ADCY2: variants seen among roughly 807,000 people sequenced by gnomAD.
ADCY2 encodes adenylate cyclase 2.
Under a neutral mutation model 125.2 loss-of-function variants are expected in ADCY2, and 31 were observed. The ratio of observed to expected loss-of-function variants is 0.25; its 90% confidence interval spans 0.19 to 0.33. The LOEUF (loss-of-function observed/expected upper bound fraction) is 0.33. ADCY2 is among the 10% of genes least tolerant of loss of function. The pLI, the probability that ADCY2 is intolerant of heterozygous loss-of-function variation, is 1.00. For synonymous variants in ADCY2, 512 were observed against 548.4 expected (o/e 0.93, Z 0.93); for missense variants, 904 against 1,418.2 (o/e 0.64, Z 5.82).
At chr5:7,403,480 G>T (rs1253783151) in intron 1 of ADCY2, among the ~76,000 whole-genome samples, 1 of 152,114 alleles carries the variant, frequency 6.6e-6, no homozygotes, top group Non-Finnish European at 1.5e-5. Context: ...TTACTCATTT[G>T]ATTAATTCAA....
chr5:7,407,770 G>C (rs985069679), intron 1 of ADCY2, among the ~76,000 whole-genome samples: 1 of 151,986 alleles, frequency 6.6e-6, no homozygotes, highest in Non-Finnish European at 1.5e-5. Flanking sequence ...CTGGGACCCC[G>C]TGAGTGTCCA....
intron 4 of ADCY2, among the ~76,000 whole-genome samples, chr5:7,647,833 C>G (rs995717912): frequency 6.6e-6 from 1 of 152,144 alleles, no homozygotes; most frequent in African/African-American, 2.4e-5. Context: ...CTGTCCTTGA[C>G]TTTCATGTTT....
chr5:7,437,062 G>A (rs184006313), intron 2 of ADCY2, among the ~76,000 whole-genome samples: 2 of 152,254 alleles, frequency 1.3e-5, no homozygotes, highest in African/African-American at 4.8e-5. Flanking sequence ...ACCAGCTGTG[G>A]GGCCCGTGCT....
At chr5:7,739,795 TGA>T (rs1386301886) in intron 14 of ADCY2, among the ~76,000 whole-genome samples, 1 of 151,916 alleles carries the variant, frequency 6.6e-6, no homozygotes, top group African/African-American at 2.4e-5. Flanking sequence ...ATAAATTACT[TGA>T]GGCCAAACAG....
chr5:7,735,511 T>C (rs1319501650), intron 14 of ADCY2, among the ~76,000 whole-genome samples: 1 of 152,162 alleles, frequency 6.6e-6, no homozygotes, highest in Admixed American at 6.5e-5. Context: ...TTATTAATAG[T>C]TTGTTGAGTT....
intron 16 of ADCY2, among the ~76,000 whole-genome samples, chr5:7,760,579 A>C (rs1579402471): frequency 6.6e-6 from 1 of 152,326 alleles, no homozygotes. Context: ...GAGTTAGGGG[A>C]CAATACATTT....
chr5:7,512,544 G>T (rs1449812613), intron 2 of ADCY2, among the ~76,000 whole-genome samples: 4 of 152,096 alleles, frequency 2.6e-5, no homozygotes, highest in Admixed American at 2.6e-4. Context: ...TGAGATGGGA[G>T]AGAGTACAAG....
intron 3 of ADCY2, among the ~76,000 whole-genome samples, chr5:7,600,523 T>C (rs1215528713): frequency 6.6e-6 from 1 of 151,960 alleles, no homozygotes; most frequent in Non-Finnish European, 1.5e-5. Flanking sequence ...TCTGAGATGG[T>C]CTCAGAGGGA....
At chr5:7,745,423 AC>A (rs1742566742) in intron 15 of ADCY2, among the ~76,000 whole-genome samples, 1 of 152,208 alleles carries the variant, frequency 6.6e-6, no homozygotes, top group African/African-American at 2.4e-5. Flanking sequence ...CTTCTGCTTT[AC>A]CCAAATGCAC....
chr5:7,501,647 C>CCA (rs1491581790), intron 2 of ADCY2, among the ~76,000 whole-genome samples: 1 of 50,566 alleles, frequency 2.0e-5, no homozygotes, highest in Non-Finnish European at 4.6e-5. Flanking sequence ...ATTCCCCCCT[C>CCA]CCCCCCCCCC....
At chr5:7,546,654 A>T (rs1263375589) in intron 3 of ADCY2, among the ~76,000 whole-genome samples, 1 of 152,172 alleles carries the variant, frequency 6.6e-6, no homozygotes, top group Admixed American at 6.5e-5. Flanking sequence ...CTTCACTTAG[A>T]TCTTGCAAAA....
At chr5:7,577,647 C>T (rs926346977) in intron 3 of ADCY2, among the ~76,000 whole-genome samples, 6 of 151,920 alleles carry the variant, frequency 3.9e-5, no homozygotes, top group Non-Finnish European at 8.8e-5. Context: ...GTACCCTCTG[C>T]GTATGCCGTG....
rs182770136 is a variant in ADCY2 at position 7,763,434 on chromosome 5, A to G, written c.2095-3253A>G. ...TATGTAAAATATATATAAATAAGGT[A>G]TATTATTGAACAATTTTTAAACATA... On this transcript the variant is annotated intron_variant, in intron 16 of 24. Transcript: ENST00000338316. Among the ~76,000 whole-genome samples the G allele has an allele frequency of 2.0e-5, 3 of 152,300 alleles. No individual in the cohort carries two copies. The East Asian group carries it at 5.8e-4, about 29-fold the overall frequency.
chr5:7,638,614 A>T (rs1327881384), intron 4 of ADCY2, among the ~76,000 whole-genome samples: 5 of 152,360 alleles, frequency 3.3e-5, no homozygotes, highest in African/African-American at 1.2e-4. Context: ...GTCTTAGCAC[A>T]GACTCTTCCT....
At chr5:7,791,037 G>T (rs1744233857) in intron 20 of ADCY2, among the ~76,000 whole-genome samples, 1 of 109,772 alleles carries the variant, frequency 9.1e-6, no homozygotes, top group Non-Finnish European at 2.3e-5. Flanking sequence ...TCTGTTTTCT[G>T]GTCAGTTTTT....
intron 22 of ADCY2, among the ~76,000 whole-genome samples, chr5:7,816,232 G>A (rs1197393678): frequency 6.6e-6 from 1 of 152,226 alleles, no homozygotes; most frequent in Non-Finnish European, 1.5e-5. Context: ...GCAAAAGGAG[G>A]GGGATGTTCC....
intron 12 of ADCY2, among the ~76,000 whole-genome samples, chr5:7,718,159 T>TTG (rs1741654286): frequency 6.7e-6 from 1 of 148,302 alleles, no homozygotes; most frequent in Non-Finnish European, 1.5e-5. Context: ...TTTTTTTTTT[T>TTG]TTTTTTTGAG....
rs1393196929 is a variant in ADCY2 at position 7,826,918 on chromosome 5, T to A, written c.*47T>A. ...AGAAGACTGTATTTTCAGGAAGGTA[T>A]CACACACTTTCTGACTGCAACTTCT... On this transcript the variant is annotated 3_prime_UTR_variant, in exon 25 of 25. Coordinates refer to ENST00000338316, the MANE Select transcript of ADCY2 (RefSeq NM_020546.3). The A allele has an allele frequency of 6.4e-7, 1 of 1,560,352 alleles. No homozygotes were observed. Among genetic ancestry groups the A allele is most frequent in the East Asian group, 2.2e-5 (1 of 44,612 alleles).
chr5:7,640,060 A>C (rs1356274381), intron 4 of ADCY2, among the ~76,000 whole-genome samples: 1 of 152,210 alleles, frequency 6.6e-6, no homozygotes, highest in African/African-American at 2.4e-5. Context: ...CAAGCATTTA[A>C]GCTAGTCTTT....
Sources: allele counts gnomAD v4.1 joint callset (sites outside exome capture counted in the v4.1 genomes callset), GRCh38; gene constraint gnomAD v4.1.1; transcripts MANE v1.5; gene names NCBI Gene and HGNC (gene_info 2026-07-23, HGNC 2026-07-21).